The following ASTN2 variants were observed in gnomAD, a reference collection of about 807,000 sequenced individuals.
ASTN2 encodes astrotactin-2.
In ASTN2, 54 loss-of-function variants were observed where a neutral mutation model predicts 139.8. The observed-to-expected ratio is 0.39, with a 90% confidence interval of 0.31 to 0.48. The LOEUF (loss-of-function observed/expected upper bound fraction) is 0.48. ASTN2 is among the 20% of genes least tolerant of loss of function. The pLI, the probability that ASTN2 is intolerant of heterozygous loss-of-function variation, is 0.95. For synonymous variants in ASTN2, 756 were observed against 719.5 expected, an observed-to-expected ratio of 1.05 and a Z score of -0.81; for missense variants, 1,565 against 1,725.1, an observed-to-expected ratio of 0.91 and a Z score of 1.64.
chr9:117,135,214 A>G (rs899756276), intron 4 of ASTN2, among the ~76,000 whole-genome samples: 1 of 152,272 alleles, frequency 6.6e-6, no homozygotes, highest in Non-Finnish European at 1.5e-5. Flanking sequence ...TGGGCTCTGA[A>G]TTCATAGCTC....
chr9:117,075,581 C>A (rs1454795301), intron 5 of ASTN2, among the ~76,000 whole-genome samples: 1 of 152,124 alleles, frequency 6.6e-6, no homozygotes, highest in Non-Finnish European at 1.5e-5. Context: ...CCAGACACTA[C>A]AGGGAGAATG....
intron 4 of ASTN2, among the ~76,000 whole-genome samples, chr9:117,134,531 A>T (rs529225107): frequency 6.6e-6 from 1 of 151,944 alleles, no homozygotes; most frequent in East Asian, 1.9e-4. Context: ...CCATCTTCCC[A>T]CTGGCACCTG....
At chr9:116,437,324 A>C (rs1847688826) in intron 22 of ASTN2, 1 of 471,236 alleles carries the variant, frequency 2.1e-6, no homozygotes, top group Admixed American at 2.3e-5. Flanking sequence ...AGGATAGATT[A>C]GGAGGCAGTT....
intron 10 of ASTN2, among the ~76,000 whole-genome samples, chr9:116,958,084 G>A (rs932035954): frequency 6.6e-6 from 1 of 152,154 alleles, no homozygotes; most frequent in African/African-American, 2.4e-5. Flanking sequence ...TGTTAACTTT[G>A]GTTAAGGTGG....
intron 19 of ASTN2, among the ~76,000 whole-genome samples, chr9:116,560,745 C>A (rs553950786): frequency 6.6e-6 from 1 of 152,078 alleles, no homozygotes; most frequent in Admixed American, 6.6e-5. Context: ...TCTCTGGGAC[C>A]TGGGAGGCAT....
intron 5 of ASTN2, among the ~76,000 whole-genome samples, chr9:117,058,892 A>G (rs909298634): frequency 6.6e-6 from 1 of 152,322 alleles, no homozygotes; most frequent in Non-Finnish European, 1.5e-5. Context: ...CCAATGTAAA[A>G]TGCACTGAAA....
intron 20 of ASTN2, among the ~76,000 whole-genome samples, chr9:116,485,330 G>A (rs1025243291): frequency 6.7e-6 from 1 of 148,382 alleles, no homozygotes; most frequent in Non-Finnish European, 1.5e-5. Flanking sequence ...GTCAGGATTT[G>A]AATCCAGGTC....
chr9:116,576,858 G>A (rs1853743619), intron 19 of ASTN2, among the ~76,000 whole-genome samples: 1 of 152,086 alleles, frequency 6.6e-6, no homozygotes, highest in African/African-American at 2.4e-5. Flanking sequence ...CCATCAGAAA[G>A]CTCATCCCAC....
At chr9:117,331,161 T>C (rs1175330184) in intron 1 of ASTN2, among the ~76,000 whole-genome samples, 2 of 152,152 alleles carry the variant, frequency 1.3e-5, no homozygotes, top group African/African-American at 4.8e-5. Context: ...AAGTCATATG[T>C]CCTATGTCTT....
rs548100996 is a variant in ASTN2, at chr9:116,682,770, G to T, written c.2807-30977C>A. 2.0e-5 allele frequency among the ~76,000 whole-genome samples: 3 copies of T among 152,120 alleles called. No homozygotes were observed. The South Asian group carries it at 6.2e-4, about 32-fold the overall frequency. Reference sequence around the variant, plus strand: ...AAATCATCATTCTCAGTAAACTATCGTAAGAACAAAAAACCAAACACCGCA... The same window carrying T: ...AAATCATCATTCTCAGTAAACTATCTTAAGAACAAAAAACCAAACACCGCA... On this transcript the variant is annotated intron_variant, in intron 16 of 22. Transcript: ENST00000313400.
intron 2 of ASTN2, among the ~76,000 whole-genome samples, chr9:117,244,286 GTAAC>G (rs1447482196): frequency 2.6e-5 from 4 of 152,104 alleles, no homozygotes; most frequent in Admixed American, 2.0e-4. Context: ...CAGTACACCT[GTAAC>G]TAACAACTAC....
chr9:116,530,269 G>A (rs62574378), intron 19 of ASTN2, among the ~76,000 whole-genome samples: 30,693 of 149,988 alleles, frequency 0.2, 3,297 homozygotes, highest in Non-Finnish European at 0.23. Flanking sequence ...AATACCATAC[G>A]ATCTCACTTA....
chr9:116,721,131 C>G (rs764898659), intron 16 of ASTN2, among the ~76,000 whole-genome samples: 11 of 152,182 alleles, frequency 7.2e-5, no homozygotes, highest in South Asian at 2.1e-4. Context: ...CTGGATGGGT[C>G]CATCCATTGC....
intron 19 of ASTN2, among the ~76,000 whole-genome samples, chr9:116,555,896 T>C (rs1852590277): frequency 6.6e-6 from 1 of 152,202 alleles, no homozygotes; most frequent in Non-Finnish European, 1.5e-5. Flanking sequence ...AGGCTGCTAG[T>C]TCTGGGATGC....
intron 3 of ASTN2, among the ~76,000 whole-genome samples, chr9:117,209,902 A>T (rs536154107): frequency 6.6e-6 from 1 of 152,262 alleles, no homozygotes; most frequent in East Asian, 1.9e-4. Flanking sequence ...TGACAACAGG[A>T]ATATTCATAA....
At chr9:116,505,040 T>G (rs1850049548) in intron 19 of ASTN2, among the ~76,000 whole-genome samples, 1 of 151,350 alleles carries the variant, frequency 6.6e-6, no homozygotes. Flanking sequence ...GCAACTGAGA[T>G]TTGACTATTA....
At chr9:117,190,789 T>A (rs906324399) in intron 3 of ASTN2, among the ~76,000 whole-genome samples, 6 of 152,134 alleles carry the variant, frequency 3.9e-5, no homozygotes, top group Admixed American at 2.6e-4. Flanking sequence ...AGGGCCCTAA[T>A]TCCCTCCTTT....
chr9:117,122,844 G>T (rs551746845), intron 4 of ASTN2, among the ~76,000 whole-genome samples: 2,382 of 152,200 alleles, frequency 0.016, 56 homozygotes, highest in African/African-American at 0.055. Context: ...AGTGCTCCAT[G>T]CGAAACATGT....
chr9:116,775,452 A>T (rs1830057051), intron 13 of ASTN2, among the ~76,000 whole-genome samples: 1 of 132,760 alleles, frequency 7.5e-6, no homozygotes, highest in Admixed American at 7.9e-5. Flanking sequence ...AGGAGAAGAG[A>T]GGAGAGGAGA....
Sources: allele counts gnomAD v4.1 joint callset (sites outside exome capture counted in the v4.1 genomes callset), GRCh38; gene constraint gnomAD v4.1.1; transcripts MANE v1.5; gene names NCBI Gene and HGNC (gene_info 2026-07-23, HGNC 2026-07-21).